The following PPP2R2B variants were observed in gnomAD, a reference collection of about 807,000 sequenced individuals.
The protein encoded by PPP2R2B is serine/threonine-protein phosphatase 2A 55 kDa regulatory subunit B beta isoform.
A neutral mutation model predicts 46.0 loss-of-function variants in PPP2R2B; 5 were observed. That is an observed-to-expected ratio of 0.11 (90% confidence interval 0.06 to 0.23). The LOEUF (loss-of-function observed/expected upper bound fraction) is 0.23, where lower values mean the gene tolerates loss of function less well. PPP2R2B is among the 10% of genes least tolerant of loss of function. PPP2R2B has a pLI of 1.00. For missense variants in PPP2R2B, 367 were observed against 575.0 expected (o/e 0.64, Z 3.70); for synonymous variants, 215 against 206.7 (o/e 1.04, Z -0.34).
chr5:147,063,594 GA>G lies in PPP2R2B; in HGVS notation c.50+17464del, dbSNP rs1389537091. On this transcript the variant is annotated intron_variant, in intron 2 of 10. Coordinates refer to the PPP2R2B transcript ENST00000394413. The stretch of plus-strand genomic sequence containing the variant: ...TCCAGAATGTGCTTCCTGTTCTGCA[GA>G]AAAAAACTGTCCTATCTGCCTCCTT... Among the ~76,000 whole-genome samples the G allele has an allele frequency of 3.3e-5, 5 of 152,186 alleles. No individual in the cohort carries two copies. In the East Asian group the frequency reaches 9.7e-4, roughly 29 times the overall value.
chr5:146,779,075 C>T (rs912459443), intron 2 of PPP2R2B, among the ~76,000 whole-genome samples: 59 of 152,190 alleles, frequency 3.9e-4, no homozygotes, highest in African/African-American at 3.9e-4. Context: ...TGGGCTGAGC[C>T]AATCCATCTG....
At chr5:146,840,122 C>A (rs1052241014) in intron 2 of PPP2R2B, among the ~76,000 whole-genome samples, 6 of 152,240 alleles carry the variant, frequency 3.9e-5, no homozygotes, top group African/African-American at 1.4e-4. Context: ...ATGAGAATTT[C>A]TATTTAAAGG....
At chr5:147,033,817 C>G (rs1468794468) in intron 1 of PPP2R2B, among the ~76,000 whole-genome samples, 1 of 152,114 alleles carries the variant, frequency 6.6e-6, no homozygotes, top group Non-Finnish European at 1.5e-5. Context: ...TCTGCTGTTG[C>G]ATTAATCCAA....
intron 2 of PPP2R2B, among the ~76,000 whole-genome samples, chr5:147,076,754 C>T (rs1192318359): frequency 6.6e-6 from 1 of 152,022 alleles, no homozygotes; most frequent in Non-Finnish European, 1.5e-5. Context: ...TGATGTGATG[C>T]TTTACTCTTC....
chr5:146,708,199 T>TA (rs559555508), intron 2 of PPP2R2B, among the ~76,000 whole-genome samples: 7 of 151,468 alleles, frequency 4.6e-5, no homozygotes, highest in Non-Finnish European at 5.9e-5. Flanking sequence ...CTACCAAAAA[T>TA]AAAAAAAATT....
At chr5:147,049,523 T>C (rs746873956) in intron 1 of PPP2R2B, among the ~76,000 whole-genome samples, 21 of 152,268 alleles carry the variant, frequency 1.4e-4, no homozygotes, top group Non-Finnish European at 2.5e-4. Context: ...CAATGATATA[T>C]AAGCCCATAG....
At chr5:147,006,621 C>A (rs1315851271) in intron 1 of PPP2R2B, among the ~76,000 whole-genome samples, 1 of 152,096 alleles carries the variant, frequency 6.6e-6, no homozygotes, top group South Asian at 2.1e-4. Context: ...CAGAGGATTT[C>A]TCAGACAGTT....
intron 1 of PPP2R2B, among the ~76,000 whole-genome samples, chr5:147,018,481 A>G (rs953363196): frequency 1.3e-5 from 2 of 152,192 alleles, no homozygotes; most frequent in Admixed American, 1.3e-4. Context: ...TTTTTTAAAA[A>G]CACTTTTCCT....
intron 7 of PPP2R2B, among the ~76,000 whole-genome samples, chr5:146,608,842 C>A (rs1418659432): frequency 6.6e-6 from 1 of 152,066 alleles, no homozygotes; most frequent in Non-Finnish European, 1.5e-5. Flanking sequence ...TCACCAAGCC[C>A]ATATCGAACA....
intron 1 of PPP2R2B, among the ~76,000 whole-genome samples, chr5:146,944,635 G>T (rs1036679733): frequency 3.9e-5 from 6 of 152,044 alleles, no homozygotes. Flanking sequence ...TCACAGGAGC[G>T]GGAAGACTGT....
chr5:147,066,851 G>A (rs1337135967), intron 2 of PPP2R2B, among the ~76,000 whole-genome samples: 1 of 152,028 alleles, frequency 6.6e-6, no homozygotes, highest in Non-Finnish European at 1.5e-5. Flanking sequence ...GCTTCATCAA[G>A]AGCCAAATAC....
At chr5:146,647,612 T>G in intron 6 of PPP2R2B, among the ~76,000 whole-genome samples, 1 of 152,186 alleles carries the variant, frequency 6.6e-6, no homozygotes, top group Non-Finnish European at 1.5e-5. Flanking sequence ...TAACCTAAAC[T>G]GCGCTGTTAA....
intron 2 of PPP2R2B, among the ~76,000 whole-genome samples, chr5:146,770,330 C>CAAA (rs5871992): frequency 8.7e-3 from 521 of 59,772 alleles, no homozygotes; most frequent in Middle Eastern, 0.032. Context: ...GATTCCGTCT[C>CAAA]AAAAAAAAAA....
chr5:146,665,688 T>A (rs1354023797), intron 5 of PPP2R2B, among the ~76,000 whole-genome samples: 1 of 152,232 alleles, frequency 6.6e-6, no homozygotes, highest in African/African-American at 2.4e-5. Flanking sequence ...AGGCCCAGTG[T>A]TGGGCCTGTG....
chr5:146,745,943 G>A (rs960309568), intron 2 of PPP2R2B, among the ~76,000 whole-genome samples: 2 of 143,350 alleles, frequency 1.4e-5, no homozygotes, highest in African/African-American at 5.2e-5. Context: ...GGGCGACAGA[G>A]AGAGACTTGG....
At chr5:146,873,939 C>A (rs1473125678) in intron 2 of PPP2R2B, among the ~76,000 whole-genome samples, 1 of 152,184 alleles carries the variant, frequency 6.6e-6, no homozygotes, top group African/African-American at 2.4e-5. Context: ...GTCATCTTTC[C>A]ATTCCTTGAA....
At chr5:146,689,628 T>C (rs1778717075) in intron 5 of PPP2R2B, among the ~76,000 whole-genome samples, 2 of 152,220 alleles carry the variant, frequency 1.3e-5, no homozygotes, top group East Asian at 3.8e-4. Context: ...GATATATGAC[T>C]GTCATATGCC....
At chr5:146,659,937 C>T (rs1300163870) in intron 5 of PPP2R2B, among the ~76,000 whole-genome samples, 1 of 152,192 alleles carries the variant, frequency 6.6e-6, no homozygotes, top group African/African-American at 2.4e-5. Context: ...TCTCTTCCAT[C>T]CACCAAGGGA....
At chr5:146,704,758 C>T (rs762489378) in intron 2 of PPP2R2B, among the ~76,000 whole-genome samples, 1 of 152,062 alleles carries the variant, frequency 6.6e-6, no homozygotes, top group Non-Finnish European at 1.5e-5. Context: ...ATCTCAGCAT[C>T]CTACAAAAGT....
Sources: gnomAD v4.1 joint callset for allele counts (sites outside exome capture counted in the v4.1 genomes callset) on GRCh38, gnomAD v4.1.1 for gene constraint, MANE v1.5 for transcripts, NCBI Gene and HGNC (gene_info 2026-07-23, HGNC 2026-07-21) for gene names.